VWA8: variants seen among roughly 807,000 people sequenced by gnomAD.
VWA8 encodes von Willebrand factor A domain containing 8, also known as von Willebrand factor A domain-containing protein 8.
Under a neutral mutation model 241.5 loss-of-function variants are expected in VWA8, and 221 were observed. The observed-to-expected ratio is 0.91, with a 90% CI of 0.82 to 1.02. The LOEUF (loss-of-function observed/expected upper bound fraction) is 1.02. Among genes scored for constraint, VWA8 ranks in the 50% least tolerant of loss-of-function variants. The pLI, the probability that VWA8 is intolerant of heterozygous loss-of-function variation, is 0.00. For missense variants in VWA8, 2,322 were observed against 2,328.7 expected, an observed-to-expected ratio of 1.00 and a Z score of 0.06; for synonymous variants, 852 against 827.1, an observed-to-expected ratio of 1.03 and a Z score of -0.52.
At chr13:41,774,990 G>C (rs547308926) in intron 20 of VWA8, among the ~76,000 whole-genome samples, 1 of 152,298 alleles carries the variant, frequency 6.6e-6, no homozygotes, top group Admixed American at 6.5e-5. Flanking sequence ...AAAGGTAAGA[G>C]AAAGAAGAGA....
At chr13:41,703,084 G>A (rs1169931368) in intron 27 of VWA8, among the ~76,000 whole-genome samples, 1 of 152,106 alleles carries the variant, frequency 6.6e-6, no homozygotes, top group Non-Finnish European at 1.5e-5. Context: ...AGGAAAATAT[G>A]TAACATACCT....
chr13:41,725,620 TA>T (rs1053892888), intron 24 of VWA8, among the ~76,000 whole-genome samples: 4 of 152,014 alleles, frequency 2.6e-5, no homozygotes, highest in African/African-American at 9.7e-5. Context: ...CAAGGATGAA[TA>T]GGGGTAGATG....
intron 12 of VWA8, among the ~76,000 whole-genome samples, chr13:41,862,779 A>T (rs1440799432): frequency 6.6e-6 from 1 of 152,148 alleles, no homozygotes; most frequent in East Asian, 1.9e-4. Context: ...AAAATAACAG[A>T]TATTGATGAG....
intron 2 of VWA8, among the ~76,000 whole-genome samples, chr13:41,937,517 G>A (rs963775379): frequency 3.9e-5 from 6 of 152,166 alleles, no homozygotes; most frequent in East Asian, 3.9e-4. Flanking sequence ...GACAGGAGGC[G>A]GATCTCAGGT....
rs2044296393 is a variant in VWA8 at position 41,570,790 on chromosome 13, G to A, written c.5371-84C>T. ...ACGATTATTTTTCTATTGACCATGAGCATGCATACATACCAATTATTACCC... is the reference window on the plus strand; with the variant it reads ...ACGATTATTTTTCTATTGACCATGAACATGCATACATACCAATTATTACCC... On this transcript the variant is annotated intron_variant, in intron 43 of 44. Transcript: ENST00000379310. 4 of 1,177,512 alleles carry A rather than the reference G, an allele frequency of 3.4e-6. No homozygotes were observed. The Admixed American group carries it at 6.1e-5, about 18-fold the overall frequency. The allele number at this position is 1,177,512 out of a possible 1,614,324, so 72.9% of individuals were successfully genotyped here.
rs897947029 is a variant in VWA8 at position 41,830,527 on chromosome 13, A to C, written c.1700+2T>G. ...CAATGGGAGTAATGGACCCCAAATT[A>C]CCTCTTCTGTAGCTGTTCATCAGAC... On this transcript the variant is annotated splice_donor_variant, in intron 14 of 44. Coordinates refer to ENST00000379310, the MANE Select transcript of VWA8 (RefSeq NM_015058.2). LOFTEE classifies it high-confidence loss of function. The C allele has an allele frequency of 4.4e-5, 71 of 1,611,622 alleles. No individual in the cohort carries two copies. Among genetic ancestry groups the C allele is most frequent in the Non-Finnish European group, 5.9e-5 (70 of 1,178,444 alleles).
Position 41,690,169 on chromosome 13 carries a change from G to T in VWA8, c.3973C>A (p.Gln1325Lys). ...EPPSTGFGVT[Q>K]ETEFSIPHKI... Reference sequence around the variant, plus strand: ...ACACAGATGACATAGTATTTACCTTGTGTAACTCCAAACCCTGTGCTGGGC... The same window carrying T: ...ACACAGATGACATAGTATTTACCTTTTGTAACTCCAAACCCTGTGCTGGGC... The change falls in exon 33 of 45, where the codon CAA (glutamine) becomes AAA (lysine). Residue 1325 changes from glutamine to lysine, a missense_variant. Physicochemically the swap from Gln to Lys is moderately conservative, Grantham distance 53 (BLOSUM62 1). Transcript: ENST00000379310. 6.2e-7 allele frequency: 1 copy of T among 1,611,610 alleles called. No homozygotes were observed.
intron 43 of VWA8, among the ~76,000 whole-genome samples, chr13:41,573,867 C>A (rs1046040366): frequency 2.0e-5 from 3 of 151,978 alleles, no homozygotes; most frequent in African/African-American, 7.2e-5. Flanking sequence ...GGTGGTCTGC[C>A]CGCCTCGGCC....
chr13:41,784,403 G>A (rs1869040722), intron 18 of VWA8, among the ~76,000 whole-genome samples: 1 of 151,944 alleles, frequency 6.6e-6, no homozygotes, highest in African/African-American at 2.4e-5. Flanking sequence ...AGTGGCACAT[G>A]CCTGTCACCA....
intron 14 of VWA8, among the ~76,000 whole-genome samples, chr13:41,822,402 C>T (rs562745119): frequency 6.6e-6 from 1 of 152,278 alleles, no homozygotes; most frequent in East Asian, 1.9e-4. Context: ...GTTCTGTACA[C>T]AGACCATATT....
In VWA8 at chr13:41,570,495, A is replaced by T; in HGVS notation, c.5582T>A (p.Ile1861Asn). ...GGTTGCTTGATCACCTAAAGAGCCA[A>T]TAAAAATGGCAAAAGCATTTACTTG... The part of the protein sequence containing the change: ...DPQVNAFAIF[I>N]GSLGDQATRL... The change falls in exon 44 of 45, where the codon ATT (isoleucine) becomes AAT (asparagine). Residue 1861 changes from isoleucine to asparagine, a missense_variant. Coordinates refer to ENST00000379310, the MANE Select transcript of VWA8 (RefSeq NM_015058.2). The T allele has an allele frequency of 6.2e-7, 1 of 1,614,232 alleles. No individual in the cohort carries two copies. The highest frequency in any genetic ancestry group is 2.2e-5 in the East Asian group (1 of 44,888).
intron 37 of VWA8, among the ~76,000 whole-genome samples, chr13:41,660,406 G>A (rs545604325): frequency 6.6e-5 from 10 of 152,114 alleles, no homozygotes; most frequent in Non-Finnish European, 1.0e-4. Flanking sequence ...ATGAGCCACC[G>A]TGCCTGGCCA....
chr13:41,866,038 T>A lies in VWA8; in HGVS notation c.1213-2A>T, dbSNP rs778739762. 4.4e-5 allele frequency: 71 copies of A among 1,613,564 alleles called. No individual in the cohort carries two copies. Among genetic ancestry groups the A allele is most frequent in the Non-Finnish European group, 5.8e-5 (69 of 1,179,670 alleles). ...TAATAGCCTGGTCCCGGCTGGCACC[T>A]ATAATTAAAGAGAGGTCAATATAAC... On this transcript the variant is annotated splice_acceptor_variant, in intron 10 of 44. Coordinates refer to ENST00000379310, the MANE Select transcript of VWA8 (RefSeq NM_015058.2). LOFTEE classifies it high-confidence loss of function.
At chr13:41,807,147 T>C (rs569192733) in intron 17 of VWA8, among the ~76,000 whole-genome samples, 3 of 151,464 alleles carry the variant, frequency 2.0e-5, no homozygotes, top group East Asian at 1.9e-4. Context: ...TACGAAGAAA[T>C]AGAAAATGTG....
At chr13:41,671,292 A>G in intron 36 of VWA8, 145 bp from the exon 37 acceptor site, 1 of 898,708 alleles carries the variant, frequency 1.1e-6, no homozygotes, top group Non-Finnish European at 1.7e-6. Context: ...CTGTCACCAC[A>G]TAGGCAGGTT....
intron 37 of VWA8, among the ~76,000 whole-genome samples, chr13:41,626,967 A>G (rs546498695): frequency 6.6e-6 from 1 of 152,310 alleles, no homozygotes; most frequent in South Asian, 2.1e-4. Flanking sequence ...GAAACTATCA[A>G]CAGGGTAAAG....
At chr13:41,659,437 G>C (rs961378905) in intron 37 of VWA8, among the ~76,000 whole-genome samples, 1 of 152,190 alleles carries the variant, frequency 6.6e-6, no homozygotes, top group African/African-American at 2.4e-5. Context: ...TGTACACTGA[G>C]AACAGCATTG....
intron 37 of VWA8, among the ~76,000 whole-genome samples, chr13:41,627,413 A>C (rs1359035193): frequency 6.6e-6 from 1 of 152,166 alleles, no homozygotes; most frequent in African/African-American, 2.4e-5. Context: ...CACCGTTAAC[A>C]TATTTTGGTG....
intron 21 of VWA8, among the ~76,000 whole-genome samples, chr13:41,735,255 TA>T (rs1324581722): frequency 6.6e-6 from 1 of 152,142 alleles, no homozygotes; most frequent in Non-Finnish European, 1.5e-5. Flanking sequence ...CCATCATTAT[TA>T]GTAGAAAGGA....
Sources: allele counts gnomAD v4.1 joint callset (sites outside exome capture counted in the v4.1 genomes callset), GRCh38; gene constraint gnomAD v4.1.1; transcripts MANE v1.5; gene names NCBI Gene and HGNC (gene_info 2026-07-23, HGNC 2026-07-21).